Variants in CTNND2 observed in about 807,000 individuals in gnomAD.
CTNND2 encodes the protein catenin delta 2.
Under a neutral mutation model 144.4 loss-of-function variants are expected in CTNND2, and 22 were observed. The ratio of observed to expected loss-of-function variants is 0.15; its 90% CI spans 0.11 to 0.22. The LOEUF is 0.22. Ranked by LOEUF, CTNND2 falls within the 10% of genes least tolerant of loss-of-function variation. The pLI is 1.00. For missense variants in CTNND2, 1,353 were observed against 1,618.8 expected (o/e 0.84, Z 2.82); for synonymous variants, 751 against 695.6 (o/e 1.08, Z -1.25).
intron 12 of CTNND2, among the ~76,000 whole-genome samples, chr5:11,119,286 C>T (rs4355493): frequency 0.046 from 7,068 of 152,210 alleles, 233 homozygotes; most frequent in East Asian, 0.096. Flanking sequence ...GTTCCACAGA[C>T]GTGTTAAGAT....
intron 7 of CTNND2, among the ~76,000 whole-genome samples, chr5:11,375,162 G>T (rs1245466693): frequency 6.6e-6 from 1 of 152,052 alleles, no homozygotes; most frequent in Non-Finnish European, 1.5e-5. Context: ...TAAACCATTA[G>T]ACATTTAGCT....
chr5:11,470,982 T>TATATA lies in CTNND2; in HGVS notation c.288-58914_288-58913insTATAT, dbSNP rs56744030. Among the ~76,000 whole-genome samples the TATATA allele has an allele frequency of 2.3e-3, 87 of 37,892 alleles. 1 individual carries two copies. Among genetic ancestry groups the TATATA allele is most frequent in the African/African-American group, 6.7e-3 (63 of 9,386 alleles). The allele number at this position is 37,892 out of a possible 152,430, so 24.9% of individuals were successfully genotyped here. ...TATATATATATATATATATATATAT[T>TATATA]TTTTTTTTTTTTTTAGATGGAGTCT... On this transcript the variant is annotated intron_variant, in intron 3 of 21. Transcript: ENST00000304623.
chr5:11,403,101 A>T (rs1215097053), intron 5 of CTNND2, among the ~76,000 whole-genome samples: 1 of 152,146 alleles, frequency 6.6e-6, no homozygotes, highest in East Asian at 1.9e-4. Flanking sequence ...TGTGTTACAT[A>T]GGTATACATG....
chr5:11,583,145 A>G (rs1314256599), intron 2 of CTNND2, among the ~76,000 whole-genome samples: 2 of 152,228 alleles, frequency 1.3e-5, no homozygotes, highest in African/African-American at 2.4e-5. Flanking sequence ...CGTAGCCTCT[A>G]TGCAGCCACA....
intron 9 of CTNND2, among the ~76,000 whole-genome samples, chr5:11,251,870 T>C (rs897944832): frequency 3.3e-5 from 5 of 152,220 alleles, no homozygotes; most frequent in Admixed American, 1.3e-4. Flanking sequence ...AATTTGCTTA[T>C]GTAAATGTTT....
chr5:11,317,093 G>A (rs566754882), intron 9 of CTNND2, among the ~76,000 whole-genome samples: 1 of 152,268 alleles, frequency 6.6e-6, no homozygotes, highest in South Asian at 2.1e-4. Flanking sequence ...GGCCATCAGA[G>A]AAATGCAAAT....
chr5:11,569,837 G>A (rs1377258812), intron 2 of CTNND2, among the ~76,000 whole-genome samples: 1 of 152,032 alleles, frequency 6.6e-6, no homozygotes, highest in Non-Finnish European at 1.5e-5. Context: ...TAGGAGTTAG[G>A]GCCTTTGGGA....
At position 11,423,381 on chromosome 5, in the gene CTNND2, A is replaced by T. The variant is rs142670001; in HGVS notation, c.288-11312T>A. On this transcript the variant is annotated intron_variant, in intron 3 of 21. Transcript: ENST00000304623. The stretch of plus-strand genomic sequence containing the variant: ...CTCTCAGGTGGATTATCCATAACTG[A>T]TATTTCTGCAGGAGAAGAGTACCTA... Among the ~76,000 whole-genome samples, 11 of 152,248 alleles carry T rather than the reference A, an allele frequency of 7.2e-5. No individual in the cohort carries two copies. In the East Asian group the frequency reaches 1.5e-3, roughly 21 times the overall value.
At chr5:11,010,013 C>T (rs1288918417) in intron 18 of CTNND2, among the ~76,000 whole-genome samples, 2 of 152,164 alleles carry the variant, frequency 1.3e-5, no homozygotes, top group Non-Finnish European at 2.9e-5. Flanking sequence ...TGAGTTTAAC[C>T]TTAGCCTTTT....
At chr5:11,247,182 A>G (rs906064282) in intron 9 of CTNND2, among the ~76,000 whole-genome samples, 1 of 152,102 alleles carries the variant, frequency 6.6e-6, no homozygotes, top group South Asian at 2.1e-4. Context: ...TTAAGAACAG[A>G]TTCTGAGGGG....
intron 2 of CTNND2, among the ~76,000 whole-genome samples, chr5:11,596,961 C>T (rs376734400): frequency 1.1e-4 from 16 of 152,274 alleles, no homozygotes; most frequent in African/African-American, 3.6e-4. Flanking sequence ...TGCCTGAGAA[C>T]AAGCTCTCAT....
chr5:11,900,511 G>GT (rs1416508325), intron 1 of CTNND2, among the ~76,000 whole-genome samples: 1 of 152,196 alleles, frequency 6.6e-6, no homozygotes, highest in Admixed American at 6.5e-5. Flanking sequence ...GGCAGACAAT[G>GT]TGATAGAAAC....
At chr5:11,793,588 C>A (rs1343042280) in intron 1 of CTNND2, among the ~76,000 whole-genome samples, 1 of 152,202 alleles carries the variant, frequency 6.6e-6, no homozygotes, top group African/African-American at 2.4e-5. Flanking sequence ...CATGGGAACA[C>A]TGGAGTGATG....
chr5:11,172,809 A>G (rs17790374), intron 11 of CTNND2, among the ~76,000 whole-genome samples: 9,570 of 152,280 alleles, frequency 0.063, 413 homozygotes, highest in Middle Eastern at 0.099. Flanking sequence ...CTCCTTGGAA[A>G]TAAAAGGAAG....
intron 2 of CTNND2, among the ~76,000 whole-genome samples, chr5:11,609,082 G>A (rs1780197556): frequency 6.6e-6 from 1 of 152,152 alleles, no homozygotes; most frequent in South Asian, 2.1e-4. Flanking sequence ...GCTCATCAGA[G>A]ACACCTTCCC....
At chr5:11,827,311 AGTTAAACT>A (rs149639728) in intron 1 of CTNND2, among the ~76,000 whole-genome samples, 64 of 152,334 alleles carry the variant, frequency 4.2e-4, no homozygotes, top group African/African-American at 1.5e-3. Flanking sequence ...TGTGGGACTC[AGTTAAACT>A]GTTGCAGTGG....
chr5:11,179,383 A>G (rs32239), intron 11 of CTNND2, among the ~76,000 whole-genome samples: 4,028 of 152,276 alleles, frequency 0.026, 189 homozygotes, highest in African/African-American at 0.091. Flanking sequence ...CTATATTCCT[A>G]AAACAAGGTT....
At chr5:11,240,718 AACAC>A (rs559638604) in intron 9 of CTNND2, among the ~76,000 whole-genome samples, 5 of 114,746 alleles carry the variant, frequency 4.4e-5, no homozygotes, top group African/African-American at 6.8e-5. Context: ...ACACACCCAA[AACAC>A]ACACTCAGCA....
intron 12 of CTNND2, among the ~76,000 whole-genome samples, chr5:11,141,510 G>A (rs1756718967): frequency 6.6e-6 from 1 of 152,162 alleles, no homozygotes; most frequent in Non-Finnish European, 1.5e-5. Flanking sequence ...CTTTGGGGAT[G>A]CTTAGTTATT....
Sources: allele counts gnomAD v4.1 joint callset (sites outside exome capture counted in the v4.1 genomes callset), GRCh38; gene constraint gnomAD v4.1.1; transcripts MANE v1.5; gene names NCBI Gene and HGNC (gene_info 2026-07-23, HGNC 2026-07-21).